The following CSMD1 variants were observed in gnomAD, a reference collection of about 807,000 sequenced individuals.
CSMD1 encodes the protein CUB and Sushi multiple domains 1, also known as CUB and sushi domain-containing protein 1.
Under a neutral mutation model 417.5 loss-of-function variants are expected in CSMD1, and 213 were observed. The observed-to-expected ratio is 0.51, with a 90% CI of 0.46 to 0.57. The LOEUF is 0.57. CSMD1 is among the 20% of genes least tolerant of loss of function. The pLI, the probability that CSMD1 is intolerant of heterozygous loss-of-function variation, is 0.00. For missense variants in CSMD1, 6,923 were observed against 4,529.7 expected (o/e 1.53, Z -15.17); for synonymous variants, 2,862 against 1,736.8 (o/e 1.65, Z -16.11).
chr8:4,628,434 AT>A (rs1312652155), intron 2 of CSMD1, among the ~76,000 whole-genome samples: 1 of 68,174 alleles, frequency 1.5e-5, no homozygotes, highest in Non-Finnish European at 3.4e-5. Context: ...ATATACACAT[AT>A]ACACATATAT....
Position 3,817,916 on chromosome 8 carries a change from C to A in CSMD1, c.819-63874G>T, listed in dbSNP as rs575143576. On this transcript the variant is annotated intron_variant, in intron 5 of 69. Transcript: ENST00000635120. ...TAAGATGCAGATTCAGCCCTGTTAA[C>A]TACCAGACAAAAACCTGGTATTAGC... is the stretch of plus-strand genomic sequence containing the variant. Among the ~76,000 whole-genome samples the A allele has an allele frequency of 1.1e-3, 175 of 152,310 alleles. 2 individuals carry two copies. The highest frequency in any genetic ancestry group is 4.1e-3 in the African/African-American group (171 of 41,572).
At chr8:4,816,810 A>G (rs2117364106) in intron 1 of CSMD1, among the ~76,000 whole-genome samples, 1 of 152,304 alleles carries the variant, frequency 6.6e-6, no homozygotes, top group Non-Finnish European at 1.5e-5. Context: ...GAGATGTCAC[A>G]GAGCCAGAAC....
At chr8:4,031,533 G>T (rs916370419) in intron 4 of CSMD1, among the ~76,000 whole-genome samples, 2 of 152,186 alleles carry the variant, frequency 1.3e-5, no homozygotes, top group Non-Finnish European at 2.9e-5. Context: ...TGTGGGAATT[G>T]TGGGAACTAC....
chr8:3,940,863 G>A (rs903896436), intron 5 of CSMD1, among the ~76,000 whole-genome samples: 14 of 135,496 alleles, frequency 1.0e-4, no homozygotes, highest in East Asian at 4.3e-4. Context: ...CTAATCATAC[G>A]CTTCTTCCTT....
chr8:3,101,018 C>T (rs182966540), intron 46 of CSMD1, among the ~76,000 whole-genome samples: 1 of 150,518 alleles, frequency 6.6e-6, no homozygotes, highest in East Asian at 2.0e-4. Context: ...ATCAGAAGGT[C>T]ACTGAATCTC....
At chr8:4,709,701 G>A (rs1197167722) in intron 1 of CSMD1, among the ~76,000 whole-genome samples, 1 of 152,176 alleles carries the variant, frequency 6.6e-6, no homozygotes, top group Non-Finnish European at 1.5e-5. Context: ...TCCACAGCCT[G>A]GGGCACCTGT....
chr8:4,622,372 T>C (rs187855039), intron 2 of CSMD1, among the ~76,000 whole-genome samples: 2 of 152,042 alleles, frequency 1.3e-5, no homozygotes, highest in Non-Finnish European at 2.9e-5. Context: ...CCAGCACGAG[T>C]GCCAGCTAAT....
At chr8:4,603,201 G>T (rs1800688676) in intron 2 of CSMD1, among the ~76,000 whole-genome samples, 2 of 151,920 alleles carry the variant, frequency 1.3e-5, no homozygotes, top group Non-Finnish European at 2.9e-5. Context: ...AATACTGACT[G>T]CACACCAAAG....
chr8:4,295,395 TAAG>T (rs1316842369), intron 3 of CSMD1, among the ~76,000 whole-genome samples: 1 of 144,850 alleles, frequency 6.9e-6, no homozygotes, highest in Non-Finnish European at 1.5e-5. Flanking sequence ...CATATAATCT[TAAG>T]ATTATATAAT....
intron 21 of CSMD1, among the ~76,000 whole-genome samples, chr8:3,354,529 G>T (rs1305983183): frequency 6.6e-6 from 1 of 151,950 alleles, no homozygotes; most frequent in Non-Finnish European, 1.5e-5. Context: ...AGTAAATCTT[G>T]CCCGTAATAG....
intron 10 of CSMD1, among the ~76,000 whole-genome samples, chr8:3,518,822 T>G (rs958913918): frequency 6.6e-6 from 1 of 152,078 alleles, no homozygotes; most frequent in Non-Finnish European, 1.5e-5. Flanking sequence ...TTTCTATAAA[T>G]CAAACTAATA....
rs112809054 is a variant in CSMD1, at chr8:4,815,182, T to C, written c.86-177624A>G. ...GTAATAATGAATGTCTCCAGATCAA[T>C]AGATTTGAACATGTTAGAACAAAGT... On this transcript the variant is annotated intron_variant, in intron 1 of 69. Transcript: ENST00000635120. 3.6e-3 allele frequency among the ~76,000 whole-genome samples: 544 copies of C among 152,248 alleles called. 8 individuals carry two copies. Among genetic ancestry groups the C allele is most frequent in the African/African-American group, 0.012 (501 of 41,542 alleles).
At chr8:4,131,888 A>T (rs911917986) in intron 3 of CSMD1, among the ~76,000 whole-genome samples, 14 of 146,748 alleles carry the variant, frequency 9.5e-5, no homozygotes, top group African/African-American at 3.5e-4. Context: ...TTAGTCTCCC[A>T]TGTAGCTGGG....
At chr8:4,568,735 C>G (rs1798739309) in intron 2 of CSMD1, among the ~76,000 whole-genome samples, 1 of 152,134 alleles carries the variant, frequency 6.6e-6, no homozygotes, top group African/African-American at 2.4e-5. Flanking sequence ...ACACTCCCAC[C>G]AACAGTGTAA....
Position 4,031,950 on chromosome 8 carries a change from G to T in CSMD1, c.565C>A (p.Pro189Thr). The T allele has an allele frequency of 1.9e-6, 3 of 1,613,902 alleles. No individual in the cohort carries two copies. The highest frequency in any genetic ancestry group is 2.2e-5 in the South Asian group (2 of 91,074). The change falls in exon 4 of 70, where the codon CCA becomes ACA. Residue 189 changes from proline to threonine, a missense_variant. Transcript: ENST00000635120. ...GHAILTCIVS[P>T]GNGASWDFPA... ...AAGTCCCACGATGCACCATTTCCTG[G>T]GCTGACGATGCAGGTCAGGATGGCG...
chr8:3,182,239 A>G (rs552715327), intron 36 of CSMD1, among the ~76,000 whole-genome samples: 2 of 152,290 alleles, frequency 1.3e-5, no homozygotes, highest in East Asian at 1.9e-4. Context: ...AAACTATCCA[A>G]TATCCCCCAA....
At chr8:3,834,623 G>C (rs571984375) in intron 5 of CSMD1, among the ~76,000 whole-genome samples, 1 of 152,268 alleles carries the variant, frequency 6.6e-6, no homozygotes, top group East Asian at 1.9e-4. Flanking sequence ...GTTTCAGAGA[G>C]TTCTTTGAGT....
chr8:3,755,040 G>T (rs1441407782), intron 5 of CSMD1, among the ~76,000 whole-genome samples: 1 of 152,234 alleles, frequency 6.6e-6, no homozygotes, highest in Non-Finnish European at 1.5e-5. Context: ...TTTACAACGT[G>T]CAGTTTAGTT....
At chr8:4,121,970 C>T (rs11136701) in intron 3 of CSMD1, among the ~76,000 whole-genome samples, 150,446 of 152,090 alleles carry the variant, frequency 0.99, 74,434 homozygotes, top group East Asian at 1. Flanking sequence ...TTTAATAATG[C>T]TTATGTATAG....
Sources: gnomAD v4.1 joint callset for allele counts (sites outside exome capture counted in the v4.1 genomes callset) on GRCh38, gnomAD v4.1.1 for gene constraint, MANE v1.5 for transcripts, NCBI Gene and HGNC (gene_info 2026-07-23, HGNC 2026-07-21) for gene names.